CD1A: variants seen among roughly 807,000 people sequenced by gnomAD.
CD1A encodes the protein T-cell surface glycoprotein CD1a.
In CD1A, 50 loss-of-function variants were observed where a neutral mutation model predicts 38.3. The observed-to-expected ratio is 1.30, with a 90% CI of 1.04 to 1.65. The LOEUF is 1.65. Among genes scored for constraint, CD1A ranks in the 40% most tolerant of loss-of-function variants. The pLI, the probability that CD1A is intolerant of heterozygous loss-of-function variation, is 0.00. For synonymous variants in CD1A, 160 were observed against 150.8 expected, an observed-to-expected ratio of 1.06 and a Z score of -0.45; for missense variants, 459 against 406.1, an observed-to-expected ratio of 1.13 and a Z score of -1.12.
Position 158,257,711 on chromosome 1 carries a change from G to T in CD1A, c.*21G>T. 4.3e-6 allele frequency: 7 copies of T among 1,612,812 alleles called. No homozygotes were observed. The highest frequency in any genetic ancestry group is 5.9e-6 in the Non-Finnish European group (7 of 1,178,916). ...GTTAAGACACACCATGAGCCTCCTC[G>T]TCACCCTTCTCCTTTTGGGGTGAGA... On this transcript the variant is annotated 3_prime_UTR_variant, in exon 6 of 6. Coordinates refer to ENST00000289429, the MANE Select transcript of CD1A (RefSeq NM_001763.3).
At chr1:158,249,323 G>A in the CD1A span, among the ~76,000 whole-genome samples, 2 of 152,158 alleles carry the variant, frequency 1.3e-5, no homozygotes, top group African/African-American at 4.8e-5. Flanking sequence ...CAGTTTCGGA[G>A]GCTGGGAAGT....
chr1:158,256,664 A>T (rs987631983), intron 3 of CD1A, 122 bp from the exon 4 acceptor site: 44 of 1,120,370 alleles, frequency 3.9e-5, no homozygotes, highest in Non-Finnish European at 5.4e-5. Flanking sequence ...TGACAGAGTG[A>T]GACCCTGTCT....
At position 158,254,596 on chromosome 1, in the gene CD1A, GT is replaced by G; in HGVS notation, c.-73del. The G allele has an allele frequency of 1.2e-6, 2 of 1,610,404 alleles. No individual in the cohort carries two copies. The highest frequency in any genetic ancestry group is 1.7e-6 in the Non-Finnish European group (2 of 1,178,446). On this transcript the variant is annotated 5_prime_UTR_variant, in exon 1 of 6. Coordinates refer to ENST00000289429, the MANE Select transcript of CD1A (RefSeq NM_001763.3). ...AGAAAGAAGTCAGAATAGAGATATC[GT>G]GGGGTAGGTTTGTTTGGAACAGAAA...
At chr1:158,251,606 G>A (rs1426045668), upstream of CD1A, among the ~76,000 whole-genome samples, 1 of 152,182 alleles carries the variant, frequency 6.6e-6, no homozygotes, top group Non-Finnish European at 1.5e-5. Flanking sequence ...TACTGCTTGG[G>A]AGAAGGAGTA....
At position 158,254,570 on chromosome 1, in the gene CD1A, C is replaced by A. The variant is rs1650175751; in HGVS notation, c.-100C>A. The A allele has an allele frequency of 6.3e-7, 1 of 1,591,100 alleles. No individual in the cohort carries two copies. On this transcript the variant is annotated 5_prime_UTR_variant, in exon 1 of 6. Coordinates refer to ENST00000289429, the MANE Select transcript of CD1A (RefSeq NM_001763.3). ...TCAGGGGAGGTTTGTCTGTTGGCTG[C>A]AGAAAGAAGTCAGAATAGAGATATC... is the stretch of plus-strand genomic sequence containing the variant.
At chr1:158,253,214 A>G (rs1356672380), upstream of CD1A, among the ~76,000 whole-genome samples, 1 of 152,210 alleles carries the variant, frequency 6.6e-6, no homozygotes, top group Non-Finnish European at 1.5e-5. Flanking sequence ...ACAAACATAT[A>G]TTTAGAAGCC....
intron 3 of CD1A, among the ~76,000 whole-genome samples, 200 bp downstream of exon 3, chr1:158,256,482 A>G (rs1418143967): frequency 2.0e-5 from 3 of 152,134 alleles, no homozygotes; most frequent in Non-Finnish European, 2.9e-5. Flanking sequence ...CAGCCTGAGC[A>G]ACAGAGTGAG....
In CD1A at chr1:158,254,747, C is replaced by A; in HGVS notation, c.58+20C>A. 1 of 1,554,416 alleles carries A rather than the reference C, an allele frequency of 6.4e-7. No homozygotes were observed. Among genetic ancestry groups the A allele is most frequent in the Non-Finnish European group, 8.9e-7 (1 of 1,125,944 alleles). On this transcript the variant is annotated intron_variant, in intron 1 of 5. Coordinates refer to ENST00000289429, the MANE Select transcript of CD1A (RefSeq NM_001763.3). The stretch of plus-strand genomic sequence containing the variant: ...CAGACGGTAAGAACTCTGACAACTG[C>A]CCAGTTGGGTGGTGGGTGAAGGTCT...
upstream of CD1A, among the ~76,000 whole-genome samples, chr1:158,250,259 G>T (rs915177755): frequency 6.6e-6 from 1 of 152,208 alleles, no homozygotes; most frequent in Non-Finnish European, 1.5e-5. Flanking sequence ...GGAGCAGATG[G>T]CAGAGAATCA....
rs41310138 is a variant in CD1A at position 158,257,024 on chromosome 1, G to A, written c.843G>A (p.Lys281=). The change falls in exon 4 of 6, where the codon AAG becomes AAA. Residue 281 remains lysine, a synonymous_variant. Transcript: ENST00000289429. ...GEAADLSCRV[K]HSSLEGQDIV... ...CAGCTGACCTGTCCTGTCGGGTGAA[G>A]CACAGCAGTCTAGAGGGCCAGGACA... 0.032 allele frequency: 51,407 copies of A among 1,614,036 alleles called. 967 individuals carry two copies. The highest frequency in any genetic ancestry group is 0.036 in the Non-Finnish European group (42,754 of 1,179,900).
chr1:158,256,797 GC>G lies in CD1A; in HGVS notation c.618del (p.Trp207GlyfsTer29). 1.2e-6 allele frequency: 2 copies of G among 1,614,014 alleles called. No individual in the cohort carries two copies. Among genetic ancestry groups the G allele is most frequent in the Non-Finnish European group, 1.7e-6 (2 of 1,179,880 alleles). ...TCTGTCCTTTGCAGTGAAGCCCGAG[GC>G]CTGGCTGTCCCATGGCCCCAGTCCT... Reference protein sequence around the residue: ...AHLQRQVKPEAWLSHGPSPGP... With the variant: ...AHLQRQVKPEXWLSHGPSPGP... On this transcript the variant is annotated frameshift_variant, in exon 4 of 6. Transcript: ENST00000289429. LOFTEE classifies it high-confidence loss of function.
chr1:158,255,907 A>G (rs947230744), intron 2 of CD1A, 97 bp from the exon 3 acceptor site: 5 of 1,244,650 alleles, frequency 4.0e-6, no homozygotes, highest in Non-Finnish European at 5.6e-6. Flanking sequence ...ATTATGTCAA[A>G]CCCTGCACAC....
rs141277463 is a variant in CD1A at position 158,257,384 on chromosome 1, G to A, written c.884-37G>A. On this transcript the variant is annotated intron_variant, in intron 4 of 5. Transcript: ENST00000289429. The stretch of plus-strand genomic sequence containing the variant: ...GGGAGTGGATGAGGTAAAATGGGAT[G>A]GATTATAACATCCTTGGTGTCTCCC... 166 of 1,486,474 alleles carry A rather than the reference G, an allele frequency of 1.1e-4. 1 individual carries two copies. The African/African-American group carries it at 2.2e-3, about 20-fold the overall frequency. The allele number at this position is 1,486,474 out of a possible 1,614,324, so 92.1% of individuals were successfully genotyped here. A position where few individuals can be genotyped will look rare whatever the true frequency, so the allele number is the denominator to read the frequency against.
chr1:158,256,077 A>C lies in CD1A; in HGVS notation c.399A>C (p.Leu133Phe). 6.2e-7 allele frequency: 1 copy of C among 1,614,212 alleles called. No homozygotes were observed. Among genetic ancestry groups the C allele is most frequent in the South Asian group, 1.1e-5 (1 of 91,086 alleles). Residue 133 changes from leucine to phenylalanine, a missense_variant, in exon 3 of 6, where the codon TTA becomes TTC. By Grantham distance (22) the Leu-to-Phe change is conservative. Transcript: ENST00000289429. ...SGKVSGSFLQ[L>F]AYQGSDFVSF... The stretch of plus-strand genomic sequence containing the variant: ...AGGTCTCAGGAAGCTTCTTGCAGTT[A>C]GCTTATCAAGGATCAGACTTTGTGA...
At chr1:158,257,658 C>A in intron 5 of CD1A, 23 bp from the exon 6 acceptor site, 1 of 1,613,260 alleles carries the variant, frequency 6.2e-7, no homozygotes, top group Non-Finnish European at 8.5e-7. Flanking sequence ...TTCAGAGTGA[C>A]TTCTATCTCT....
In CD1A at chr1:158,256,296, T is replaced by TCTC; in HGVS notation, c.604+16_604+18dup. ...TCCAGCGGCAAGGTCAGTCCTGCAC[T>TCTC]CTCCCTCCAAGAAGTTTTGATTTGA... On this transcript the variant is annotated intron_variant, in intron 3 of 5. Coordinates refer to ENST00000289429, the MANE Select transcript of CD1A (RefSeq NM_001763.3). 6.2e-7 allele frequency: 1 copy of TCTC among 1,601,528 alleles called. No homozygotes were observed. The highest frequency in any genetic ancestry group is 2.2e-5 in the East Asian group (1 of 44,678).
intron 1 of CD1A, 28 bp from the exon 2 acceptor site, chr1:158,255,056 C>G: frequency 2.5e-6 from 4 of 1,608,802 alleles, no homozygotes; most frequent in Non-Finnish European, 2.6e-6. Context: ...ATGTCTTTCT[C>G]CCCATTCTAT....
the CD1A span, chr1:158,248,441 G>A: frequency 1.0e-6 from 1 of 984,576 alleles, no homozygotes; most frequent in South Asian, 4.7e-5. Flanking sequence ...ACAGGAACAT[G>A]CTTTTGGCCT....
chr1:158,250,345 C>A (rs1349629052), upstream of CD1A, among the ~76,000 whole-genome samples: 2 of 152,106 alleles, frequency 1.3e-5, no homozygotes, highest in Non-Finnish European at 2.9e-5. Flanking sequence ...TTTTTTGGCT[C>A]ATTTGACTTC....
Sources: allele counts gnomAD v4.1 joint callset (sites outside exome capture counted in the v4.1 genomes callset), GRCh38; gene constraint gnomAD v4.1.1; transcripts MANE v1.5; gene names NCBI Gene and HGNC (gene_info 2026-07-23, HGNC 2026-07-21).